Variants in DAB1 observed in about 807,000 individuals in gnomAD.
The protein encoded by DAB1 is DAB adaptor protein 1.
Under a neutral mutation model 64.6 loss-of-function variants are expected in DAB1, and 15 were observed. The observed-to-expected ratio is 0.23, with a 90% CI of 0.16 to 0.36. The LOEUF (loss-of-function observed/expected upper bound fraction) is 0.36. Among genes scored for constraint, DAB1 ranks in the 10% least tolerant of loss-of-function variants. The pLI, the probability that DAB1 is intolerant of heterozygous loss-of-function variation, is 1.00. For synonymous variants in DAB1, 235 were observed against 251.9 expected (o/e 0.93, Z 0.64); for missense variants, 596 against 706.7 (o/e 0.84, Z 1.78).
intron 7 of DAB1, among the ~76,000 whole-genome samples, chr1:57,539,473 G>A (rs1412594218): frequency 6.6e-6 from 1 of 152,166 alleles, no homozygotes; most frequent in Non-Finnish European, 1.5e-5. Context: ...ATTACTTTGA[G>A]TCACTGCATG....
At chr1:57,816,948 A>G (rs1440437262) in intron 6 of DAB1, among the ~76,000 whole-genome samples, 3 of 152,106 alleles carry the variant, frequency 2.0e-5, no homozygotes, top group Admixed American at 2.0e-4. Flanking sequence ...TCCCCTTCTC[A>G]CCTTCTCATT....
rs144509715 is a variant in DAB1, at chr1:57,115,249, T to G, written c.306+21294A>C. ...AATCCCAGCTCTGCTACTTACCAGC[T>G]TTGTATCCTGAACAAGTTACCTATC... On this transcript the variant is annotated intron_variant, in intron 4 of 14. Transcript: ENST00000371236. Among the ~76,000 whole-genome samples the G allele has an allele frequency of 2.7e-3, 409 of 152,308 alleles. 3 individuals are homozygous for G. The highest frequency in any genetic ancestry group is 8.9e-3 in the African/African-American group (371 of 41,558).
chr1:58,046,143 G>C (rs771077855), intron 5 of DAB1, among the ~76,000 whole-genome samples: 7 of 152,188 alleles, frequency 4.6e-5, no homozygotes, highest in African/African-American at 9.7e-5. Context: ...GTAAAGTCCT[G>C]TGGTAGATAC....
intron 6 of DAB1, among the ~76,000 whole-genome samples, chr1:57,740,046 C>CTACAAAA (rs1320762175): frequency 1.9e-5 from 2 of 103,142 alleles, no homozygotes; most frequent in African/African-American, 7.5e-5. Context: ...ACTACTACTA[C>CTACAAAA]AAAAAAAAAA....
intron 7 of DAB1, among the ~76,000 whole-genome samples, chr1:57,595,033 A>G (rs974358179): frequency 3.3e-5 from 5 of 152,134 alleles, no homozygotes; most frequent in African/African-American, 4.8e-5. Flanking sequence ...TTCTAACACA[A>G]TTCCAAGTGT....
intron 5 of DAB1, among the ~76,000 whole-genome samples, chr1:57,937,332 T>C (rs1436025448): frequency 6.6e-6 from 1 of 152,072 alleles, no homozygotes; most frequent in East Asian, 1.9e-4. Flanking sequence ...CCCTGCCAAG[T>C]TAGTCCAGTC....
At chr1:58,262,367 A>T (rs1160664039) in intron 4 of DAB1, among the ~76,000 whole-genome samples, 1 of 152,160 alleles carries the variant, frequency 6.6e-6, no homozygotes, top group Admixed American at 6.5e-5. Context: ...AAAAGACCTC[A>T]GTTGGTCAAG....
intron 5 of DAB1, among the ~76,000 whole-genome samples, chr1:57,920,874 C>T (rs940702213): frequency 6.6e-6 from 1 of 152,084 alleles, no homozygotes; most frequent in Non-Finnish European, 1.5e-5. Flanking sequence ...TTTTGATGCA[C>T]ACAGGGGCCC....
chr1:57,240,828 A>G (rs548101994), intron 2 of DAB1, among the ~76,000 whole-genome samples: 2 of 152,282 alleles, frequency 1.3e-5, no homozygotes, highest in South Asian at 4.1e-4. Flanking sequence ...AAGCATAAGA[A>G]ACACCCTTAC....
At chr1:58,463,037 TG>T (rs1197617513) in intron 3 of DAB1, among the ~76,000 whole-genome samples, 3 of 152,238 alleles carry the variant, frequency 2.0e-5, no homozygotes, top group African/African-American at 4.8e-5. Context: ...TCATAAGCAA[TG>T]TCATACTCTG....
At chr1:57,014,013 A>G (rs142389563) in intron 12 of DAB1, among the ~76,000 whole-genome samples, 130 of 152,368 alleles carry the variant, frequency 8.5e-4, no homozygotes, top group African/African-American at 2.7e-3. Flanking sequence ...GGAGGAGTCA[A>G]CACCAGAACT....
chr1:57,136,822 C>T (rs902763821), intron 3 of DAB1, among the ~76,000 whole-genome samples, 181 bp from the exon 4 acceptor site: 8 of 152,082 alleles, frequency 5.3e-5, no homozygotes, highest in African/African-American at 1.2e-4. Flanking sequence ...TAGGGTAATG[C>T]TTGTCCTAGT....
chr1:57,521,821 C>T (rs1036661869), intron 7 of DAB1, among the ~76,000 whole-genome samples: 3 of 152,064 alleles, frequency 2.0e-5, no homozygotes, highest in Non-Finnish European at 4.4e-5. Flanking sequence ...GAGAAAAGAG[C>T]CCATTCGGCC....
chr1:58,343,896 T>G (rs186766460), intron 3 of DAB1, among the ~76,000 whole-genome samples: 10 of 152,338 alleles, frequency 6.6e-5, no homozygotes, highest in Non-Finnish European at 1.5e-5. Context: ...CTGTTTAACC[T>G]GTGTCCTTCT....
rs769524523 is a variant in DAB1 at position 56,998,056 on chromosome 1, G to C, written c.*88C>G. On this transcript the variant is annotated 3_prime_UTR_variant, in exon 15 of 15. Transcript: ENST00000371236. ...TGATGCTGATGTCCATGCCAGTCTT[G>C]AGCACCCACCACGAGCTCGCATCGA... The C allele has an allele frequency of 6.6e-6, 1 of 152,568 alleles. No homozygotes were observed. Among genetic ancestry groups the C allele is most frequent in the Non-Finnish European group, 1.5e-5 (1 of 68,044 alleles). 9.5% of individuals were successfully genotyped at this position (152,568 alleles called of 1,614,324 possible).
intron 7 of DAB1, among the ~76,000 whole-genome samples, chr1:57,446,398 G>A (rs1686138187): frequency 6.6e-6 from 1 of 151,984 alleles, no homozygotes; most frequent in South Asian, 2.1e-4. Context: ...GGGAGTTCGA[G>A]ACCAGCCTCA....
At chr1:57,871,252 T>C (rs1315669221) in intron 1 of DAB1, among the ~76,000 whole-genome samples, 1 of 147,830 alleles carries the variant, frequency 6.8e-6, no homozygotes, top group Non-Finnish European at 1.5e-5. Flanking sequence ...CAGAAATAGA[T>C]ATAACTATCT....
chr1:57,085,747 T>C (rs1653008325), intron 4 of DAB1, among the ~76,000 whole-genome samples: 2 of 152,164 alleles, frequency 1.3e-5, no homozygotes, highest in Admixed American at 6.5e-5. Flanking sequence ...TGGCTCACCA[T>C]CACATCCCCA....
chr1:57,256,580 C>CTGGAACTGCT (rs11282690), intron 2 of DAB1, among the ~76,000 whole-genome samples: 87,286 of 151,604 alleles, frequency 0.58, 25,235 homozygotes, highest in Admixed American at 0.66. Context: ...CAGCCTCAGC[C>CTGGAACTGCT]TGCTCTTACA....
Sources: allele counts gnomAD v4.1 joint callset (sites outside exome capture counted in the v4.1 genomes callset), GRCh38; gene constraint gnomAD v4.1.1; transcripts MANE v1.5; gene names NCBI Gene and HGNC (gene_info 2026-07-23, HGNC 2026-07-21).